MED14: variants seen among roughly 807,000 people sequenced by gnomAD.
MED14 encodes the protein mediator complex subunit 14.
Under a neutral mutation model 109.0 loss-of-function variants are expected in MED14, and 8 were observed. The observed-to-expected ratio is 0.07, with a 90% CI of 0.04 to 0.13. The LOEUF (loss-of-function observed/expected upper bound fraction) is 0.13, where lower values mean the gene tolerates loss of function less well. Ranked by LOEUF, MED14 falls within the 10% of genes least tolerant of loss-of-function variation. MED14 has a pLI of 1.00. For missense variants in MED14, 711 were observed against 1,142.4 expected (o/e 0.62, Z 5.44); for synonymous variants, 399 against 408.7 (o/e 0.98, Z 0.29).
Position 40,651,404 on chromosome X carries a change from G to A in MED14, c.*402C>T. 1.3e-6 allele frequency: 1 copy of A among 758,038 alleles called. No individual in the cohort carries two copies. The allele number at this position is 758,038 out of a possible 1,213,427, so 62.5% of individuals were successfully genotyped here. A position where few individuals can be genotyped will look rare whatever the true frequency, so the allele number is the denominator to read the frequency against. ...CAGCTTCAATATAAAGTTTATCACA[G>A]TTTTACAGTATTCAAAAATGACAGA... On this transcript the variant is annotated 3_prime_UTR_variant, in exon 31 of 31. Transcript: ENST00000324817.
chrX:40,660,544 T>G (rs891562909), intron 26 of MED14, among the ~76,000 whole-genome samples: 7 of 112,198 alleles, frequency 6.2e-5, no homozygotes, highest in African/African-American at 9.7e-5. Context: ...AAAGCAGCTA[T>G]AGACAATAAA....
At chrX:40,654,062 C>G (rs1386925046) in intron 30 of MED14, 2 of 252,233 alleles carry the variant, frequency 7.9e-6, no homozygotes, top group Non-Finnish European at 7.0e-6. Flanking sequence ...TCATCCTAAC[C>G]TAGGTCTTTG....
intron 10 of MED14, among the ~76,000 whole-genome samples, chrX:40,705,502 A>C (rs1029031341): frequency 1.4e-4 from 16 of 112,260 alleles, no homozygotes; most frequent in African/African-American, 4.5e-4. Flanking sequence ...TTCTTTACAG[A>C]AAATAAAATA....
At chrX:40,714,222 C>T (rs1931435503) in intron 4 of MED14, among the ~76,000 whole-genome samples, 1 of 111,423 alleles carries the variant, frequency 9.0e-6, no homozygotes, top group African/African-American at 3.3e-5. Context: ...AGTAAACTAC[C>T]AAAACAATAA....
chrX:40,666,956 A>T, intron 23 of MED14, 105 bp from the exon 24 acceptor site: 1 of 672,097 alleles, frequency 1.5e-6, no homozygotes, highest in Non-Finnish European at 2.2e-6. Context: ...AACAAGTAGT[A>T]TAGCTCCCAT....
chrX:40,724,487 T>C (rs748157231), intron 3 of MED14, among the ~76,000 whole-genome samples: 57 of 112,383 alleles, frequency 5.1e-4, no homozygotes, highest in Non-Finnish European at 6.2e-4. Context: ...ATCAAGCATC[T>C]TCTCTGACCA....
At chrX:40,697,445 C>G (rs996634444) in intron 12 of MED14, among the ~76,000 whole-genome samples, 1 of 111,705 alleles carries the variant, frequency 9.0e-6, no homozygotes, top group Non-Finnish European at 1.9e-5. Context: ...GGATGAGATA[C>G]TATGTTAGTT....
rs1271530471 is a variant in MED14 at position 40,714,920 on chromosome X, A to G, written c.349-210T>C. On this transcript the variant is annotated intron_variant, in intron 3 of 30. Coordinates refer to ENST00000324817, the MANE Select transcript of MED14 (RefSeq NM_004229.4). ...ATATTAAGAGCAATAATTTTCTGTC[A>G]CTTTAAGTAAAAGCTTTCTAATTCA... is the stretch of plus-strand genomic sequence containing the variant. 1.7e-5 allele frequency: 6 copies of G among 343,952 alleles called. No individual in the cohort carries two copies. In the East Asian group the frequency reaches 2.8e-4, roughly 16 times the overall value. The allele number at this position is 343,952 out of a possible 1,213,427, so 28.3% of individuals were successfully genotyped here.
Position 40,650,232 on chromosome X carries a change from CAG to C in MED14, c.*1572_*1573del. The C allele has an allele frequency of 1.3e-6, 1 of 753,599 alleles. No homozygotes were observed. Among genetic ancestry groups the C allele is most frequent in the Non-Finnish European group, 1.6e-6 (1 of 638,871 alleles). 62.1% of individuals were successfully genotyped at this position (753,599 alleles called of 1,213,427 possible). ...TTAGTCAACTGCTCCTGAACAGTGG[CAG>C]AGTTGGGTGAGAAGTGGGAGATGAA... On this transcript the variant is annotated 3_prime_UTR_variant, in exon 31 of 31. Coordinates refer to ENST00000324817, the MANE Select transcript of MED14 (RefSeq NM_004229.4).
At chrX:40,725,336 G>A (rs762964284) in intron 3 of MED14, among the ~76,000 whole-genome samples, 1 of 111,314 alleles carries the variant, frequency 9.0e-6, no homozygotes, top group East Asian at 2.8e-4. Context: ...TACAAGGCCA[G>A]TATTACCCTG....
chrX:40,715,350 C>T (rs984547554), intron 3 of MED14, among the ~76,000 whole-genome samples: 14 of 111,435 alleles, frequency 1.3e-4, no homozygotes, highest in African/African-American at 4.6e-4. Context: ...TGGGAAAACT[C>T]GATAACCATC....
intron 23 of MED14, among the ~76,000 whole-genome samples, chrX:40,669,879 G>A (rs1379867124): frequency 1.8e-5 from 2 of 110,837 alleles, no homozygotes; most frequent in Non-Finnish European, 3.8e-5. Context: ...GGCAAACAAC[G>A]CATCCTCAAG....
In MED14 at chrX:40,649,759, T is replaced by C. The variant is rs1928789524; in HGVS notation, c.*2047A>G. 1 of 820,918 alleles carries C rather than the reference T, an allele frequency of 1.2e-6. No individual in the cohort carries two copies. Among genetic ancestry groups the C allele is most frequent in the South Asian group, 4.3e-5 (1 of 23,458 alleles). 67.7% of individuals were successfully genotyped at this position (820,918 alleles called of 1,213,427 possible). On this transcript the variant is annotated 3_prime_UTR_variant, in exon 31 of 31. Transcript: ENST00000324817. The stretch of plus-strand genomic sequence containing the variant: ...TGTTTTCAAGCTTTAATAAGGTATA[T>C]ATCAATTCCAAGTACCAAGCATAAT...
intron 3 of MED14, among the ~76,000 whole-genome samples, chrX:40,721,328 A>G (rs759354760): frequency 1.8e-5 from 2 of 111,470 alleles, no homozygotes; most frequent in Admixed American, 1.9e-4. Context: ...GAACCCTTAG[A>G]TTTTAAGTGA....
chrX:40,686,976 C>T (rs1170670074), intron 16 of MED14, among the ~76,000 whole-genome samples: 1 of 111,004 alleles, frequency 9.0e-6, no homozygotes, highest in Non-Finnish European at 1.9e-5. Flanking sequence ...AACTTAAGCC[C>T]TATGCCCATC....
chrX:40,705,941 A>G (rs770287923), intron 10 of MED14, among the ~76,000 whole-genome samples: 4 of 111,447 alleles, frequency 3.6e-5, no homozygotes, highest in Non-Finnish European at 5.7e-5. Flanking sequence ...ACTTATCTCC[A>G]AAGTCCTGCC....
At chrX:40,684,277 T>G (rs1930223927) in intron 16 of MED14, among the ~76,000 whole-genome samples, 1 of 111,533 alleles carries the variant, frequency 9.0e-6, no homozygotes, top group African/African-American at 3.3e-5. Context: ...CTACTCCCTC[T>G]TCTCAGTTAA....
At chrX:40,655,510 T>G (rs1486817481) in intron 28 of MED14, among the ~76,000 whole-genome samples, 1 of 111,852 alleles carries the variant, frequency 8.9e-6, no homozygotes, top group Non-Finnish European at 1.9e-5. Context: ...TGACATTTAG[T>G]GACACATGCT....
At chrX:40,712,428 G>A (rs1931369374) in intron 6 of MED14, 135 bp from the exon 7 acceptor site, 2 of 416,773 alleles carry the variant, frequency 4.8e-6, no homozygotes, top group Non-Finnish European at 8.4e-6. Flanking sequence ...ACTTGACATT[G>A]TACTCTGAGA....
Sources: gnomAD v4.1 joint callset for allele counts (sites outside exome capture counted in the v4.1 genomes callset) on GRCh38, gnomAD v4.1.1 for gene constraint, MANE v1.5 for transcripts, NCBI Gene and HGNC (gene_info 2026-07-23, HGNC 2026-07-21) for gene names.